The following SAMD12 variants were observed in gnomAD, a reference collection of about 807,000 sequenced individuals.
SAMD12 encodes sterile alpha motif domain containing 12, also known as sterile alpha motif domain-containing protein 12.
SAMD12 carries 9 observed loss-of-function variants against 15.0 expected under a neutral mutation model. The observed-to-expected ratio is 0.60, with a 90% confidence interval of 0.36 to 1.05. SAMD12 has a LOEUF of 1.05. Among genes scored for constraint, SAMD12 ranks in the 50% least tolerant of loss-of-function variants. The probability of loss-of-function intolerance (pLI) is 0.01; values close to 1 mark genes in which losing one functional copy is unlikely to be tolerated. For missense variants in SAMD12, 230 were observed against 234.2 expected (o/e 0.98, Z 0.12); for synonymous variants, 86 against 90.1 (o/e 0.96, Z 0.25).
rs185681726 is a variant in SAMD12, at chr8:118,531,194, C to T, written c.192+49521G>A. Among the ~76,000 whole-genome samples, 216 of 152,262 alleles carry T rather than the reference C, an allele frequency of 1.4e-3. 1 individual carries two copies. The highest frequency in any genetic ancestry group is 5.0e-3 in the African/African-American group (207 of 41,548). On this transcript the variant is annotated intron_variant, in intron 2 of 3. Transcript: ENST00000314727. ...CATTTATTCAATAGGGAATCCTTTC[C>T]CCATTGCTTGTTTTTCTCAGGTTTG...
At chr8:118,466,328 TGCAC>T (rs1365152772) in intron 2 of SAMD12, among the ~76,000 whole-genome samples, 1 of 152,208 alleles carries the variant, frequency 6.6e-6, no homozygotes, top group East Asian at 1.9e-4. Flanking sequence ...ACTTAGCACA[TGCAC>T]TATACTAAGA....
At chr8:118,132,972 GTATATATATATATATATATATATA>G in the SAMD12 span, among the ~76,000 whole-genome samples, 2,516 of 48,332 alleles carry the variant, frequency 0.052, 184 homozygotes, top group Admixed American at 0.13. Context: ...GTGTGTGTGT[GTATATATATATATATATATATATA>G]TATATATATA....
the SAMD12 span, among the ~76,000 whole-genome samples, chr8:118,163,898 CAAAACAA>C: frequency 6.8e-6 from 1 of 147,964 alleles, no homozygotes; most frequent in Non-Finnish European, 1.5e-5. Flanking sequence ...CAAAACAAAA[CAAAACAA>C]AACAAAACAA....
chr8:118,605,880 T>C (rs1023261710), intron 1 of SAMD12, among the ~76,000 whole-genome samples: 1 of 148,744 alleles, frequency 6.7e-6, no homozygotes, highest in Non-Finnish European at 1.5e-5. Context: ...GTTTACTGGC[T>C]GAAGAGCAAT....
chr8:118,437,526 A>G (rs569221947), intron 3 of SAMD12, among the ~76,000 whole-genome samples: 1 of 152,208 alleles, frequency 6.6e-6, no homozygotes, highest in East Asian at 1.9e-4. Flanking sequence ...TTAGTGGTTT[A>G]CCTATATTAT....
intron 2 of SAMD12, among the ~76,000 whole-genome samples, chr8:118,503,073 T>C (rs970562111): frequency 6.6e-6 from 1 of 152,244 alleles, no homozygotes; most frequent in Admixed American, 6.5e-5. Flanking sequence ...CCATTTTTTA[T>C]GTTCAATGGT....
the SAMD12 span, among the ~76,000 whole-genome samples, chr8:118,162,224 C>T: frequency 1.4e-5 from 2 of 147,238 alleles, no homozygotes; most frequent in African/African-American, 5.0e-5. Flanking sequence ...AAGGGTACAT[C>T]CTGAGGCAAC....
the SAMD12 span, among the ~76,000 whole-genome samples, chr8:118,163,870 G>A: frequency 7.0e-5 from 9 of 128,876 alleles, no homozygotes; most frequent in African/African-American, 1.7e-4. Flanking sequence ...GCGAGACTCC[G>A]TCTCAAACAA....
intron 4 of SAMD12, among the ~76,000 whole-genome samples, chr8:118,360,627 G>A (rs545823904): frequency 3.6e-4 from 55 of 152,282 alleles, no homozygotes; most frequent in African/African-American, 1.3e-3. Context: ...GTGTATACAA[G>A]GGACCTCGAA....
chr8:118,548,423 A>C (rs535798310), intron 2 of SAMD12, among the ~76,000 whole-genome samples: 2,668 of 125,336 alleles, frequency 0.021, 74 homozygotes, highest in African/African-American at 0.066. Context: ...ACACACACAC[A>C]CCCCATGTGA....
chr8:118,509,206 A>G (rs1410867163), intron 2 of SAMD12, among the ~76,000 whole-genome samples: 1 of 152,182 alleles, frequency 6.6e-6, no homozygotes, highest in Non-Finnish European at 1.5e-5. Flanking sequence ...TTTATATCCC[A>G]TAAGTGCCAA....
Position 118,515,333 on chromosome 8 carries a change from C to T in SAMD12, c.192+65382G>A, listed in dbSNP as rs1203517855. On this transcript the variant is annotated intron_variant, in intron 2 of 3. Transcript: ENST00000314727. ...TTAGCACCTCCTCCTTCTCTTTCTT[C>T]CTCCTGGCTCCAGCCACGTAAGATG... is the stretch of plus-strand genomic sequence containing the variant. Among the ~76,000 whole-genome samples, 5 of 151,954 alleles carry T rather than the reference C, an allele frequency of 3.3e-5. No individual in the cohort carries two copies. The East Asian group carries it at 7.8e-4, about 24-fold the overall frequency.
downstream of SAMD12, among the ~76,000 whole-genome samples, chr8:118,186,840 C>T (rs530234095): frequency 3.9e-5 from 6 of 152,080 alleles, no homozygotes; most frequent in Middle Eastern, 3.4e-3. Context: ...AGAGTTAAAA[C>T]GGAAGGAAGC....
the SAMD12 span, among the ~76,000 whole-genome samples, chr8:118,176,174 G>A: frequency 1.2e-4 from 19 of 152,092 alleles, no homozygotes; most frequent in South Asian, 6.2e-4. Context: ...GGTGGCATGC[G>A]CCTGTAGTCC....
rs1432530627 is a variant in SAMD12, at chr8:118,356,939, T to C, written c.433+22621A>G. On this transcript the variant is annotated intron_variant, in intron 4 of 4. Coordinates refer to the SAMD12 transcript ENST00000409003. ...CTATCTGCAAACAGATCCACCCCCA[T>C]TCGCTCTGGCTATGACCTCAGTTTT... Among the ~76,000 whole-genome samples the C allele has an allele frequency of 2.6e-5, 4 of 152,304 alleles. No homozygotes were observed. In the East Asian group the frequency reaches 7.7e-4, roughly 29 times the overall value.
chr8:118,414,281 C>T (rs1222993642), intron 3 of SAMD12, among the ~76,000 whole-genome samples: 1 of 152,170 alleles, frequency 6.6e-6, no homozygotes. Context: ...ACAAGTGTTA[C>T]TCTGCATCTT....
At chr8:118,184,278 G>A in the SAMD12 span, among the ~76,000 whole-genome samples, 1 of 152,200 alleles carries the variant, frequency 6.6e-6, no homozygotes, top group Non-Finnish European at 1.5e-5. Context: ...CAAAGGCAGG[G>A]ATGTATCTGT....
intron 4 of SAMD12, among the ~76,000 whole-genome samples, chr8:118,246,107 T>C (rs1399529606): frequency 1.3e-5 from 2 of 152,270 alleles, no homozygotes; most frequent in East Asian, 3.9e-4. Flanking sequence ...AACACTGTGC[T>C]ACATGTTGGG....
intron 4 of SAMD12, among the ~76,000 whole-genome samples, chr8:118,283,662 G>T (rs1813771556): frequency 6.6e-6 from 1 of 152,200 alleles, no homozygotes; most frequent in Non-Finnish European, 1.5e-5. Flanking sequence ...ATCCATCCTG[G>T]GATCTGGTGA....
Sources: gnomAD v4.1 joint callset for allele counts (sites outside exome capture counted in the v4.1 genomes callset) on GRCh38, gnomAD v4.1.1 for gene constraint, MANE v1.5 for transcripts, NCBI Gene and HGNC (gene_info 2026-07-23, HGNC 2026-07-21) for gene names.